The following DGKB variants were observed in gnomAD, a reference collection of about 807,000 sequenced individuals.
DGKB encodes the protein diacylglycerol kinase beta.
In DGKB, 67 loss-of-function variants were observed where a neutral mutation model predicts 114.3. The observed-to-expected ratio is 0.59, with a 90% CI of 0.48 to 0.72. DGKB has a LOEUF of 0.72. DGKB is among the 30% of genes least tolerant of loss of function. The pLI is 0.00. For missense variants in DGKB, 907 were observed against 975.2 expected (o/e 0.93, Z 0.93); for synonymous variants, 398 against 323.1 (o/e 1.23, Z -2.49).
intron 23 of DGKB, among the ~76,000 whole-genome samples, chr7:14,223,686 G>C (rs1272969868): frequency 6.6e-6 from 1 of 151,746 alleles, no homozygotes; most frequent in Non-Finnish European, 1.5e-5. Context: ...CAACGTGAGT[G>C]AGTTAGCAAC....
At chr7:14,379,631 C>T (rs1483051600) in intron 21 of DGKB, among the ~76,000 whole-genome samples, 2 of 152,118 alleles carry the variant, frequency 1.3e-5, no homozygotes, top group African/African-American at 4.8e-5. Context: ...ACGATCTCGG[C>T]TCACTGCAAC....
intron 21 of DGKB, among the ~76,000 whole-genome samples, chr7:14,429,480 T>C (rs1338811916): frequency 6.6e-6 from 1 of 152,168 alleles, no homozygotes; most frequent in African/African-American, 2.4e-5. Context: ...ACTCAACCTA[T>C]GGAAATTTAA....
intron 23 of DGKB, among the ~76,000 whole-genome samples, chr7:14,271,191 T>G (rs1198548790): frequency 6.6e-6 from 1 of 152,174 alleles, no homozygotes; most frequent in Non-Finnish European, 1.5e-5. Flanking sequence ...GTGGCCAAAT[T>G]TAAGTTCACT....
At chr7:14,626,583 C>G (rs963981792) in intron 14 of DGKB, among the ~76,000 whole-genome samples, 1 of 152,124 alleles carries the variant, frequency 6.6e-6, no homozygotes, top group African/African-American at 2.4e-5. Context: ...GTCTGAGACA[C>G]CAACTTACTA....
chr7:14,664,537 G>C (rs1403750705), intron 13 of DGKB, among the ~76,000 whole-genome samples: 1 of 151,894 alleles, frequency 6.6e-6, no homozygotes, highest in Non-Finnish European at 1.5e-5. Context: ...TCCCTCTCCA[G>C]CCTCACCCTT....
chr7:14,369,032 A>G (rs971838039), intron 21 of DGKB, among the ~76,000 whole-genome samples: 8 of 152,026 alleles, frequency 5.3e-5, no homozygotes, highest in African/African-American at 1.9e-4. Flanking sequence ...TCAACCCCCC[A>G]TCTACATTTG....
At chr7:14,544,720 T>C (rs929830070) in intron 20 of DGKB, among the ~76,000 whole-genome samples, 1 of 152,190 alleles carries the variant, frequency 6.6e-6, no homozygotes, top group African/African-American at 2.4e-5. Flanking sequence ...GTCTGGATAA[T>C]AGTAATGATA....
At chr7:14,723,283 T>C (rs1290898771) in intron 5 of DGKB, among the ~76,000 whole-genome samples, 2 of 152,120 alleles carry the variant, frequency 1.3e-5, no homozygotes, top group Non-Finnish European at 2.9e-5. Context: ...TAGCCTCTGG[T>C]GAGGAAGCTC....
At chr7:14,358,291 C>G (rs1044560641) in intron 21 of DGKB, among the ~76,000 whole-genome samples, 2 of 152,134 alleles carry the variant, frequency 1.3e-5, no homozygotes, top group Non-Finnish European at 2.9e-5. Flanking sequence ...TTGTTCATTT[C>G]TTTTTACTCC....
At chr7:14,766,719 T>C (rs1053972777) in intron 2 of DGKB, among the ~76,000 whole-genome samples, 4 of 151,778 alleles carry the variant, frequency 2.6e-5, no homozygotes, top group East Asian at 1.9e-4. Flanking sequence ...TGATTGTAGA[T>C]AGATAAGATA....
chr7:14,694,053 C>A, intron 9 of DGKB, 22 bp downstream of exon 9: 1 of 1,563,582 alleles, frequency 6.4e-7, no homozygotes, highest in African/African-American at 1.4e-5. Context: ...ACCAGGCCAC[C>A]CTCCTCTGTG....
chr7:14,876,909 C>T (rs1165281261), intron 1 of DGKB, among the ~76,000 whole-genome samples: 1 of 152,102 alleles, frequency 6.6e-6, no homozygotes, highest in African/African-American at 2.4e-5. Context: ...ATGTTGTTTA[C>T]TAAACAAGAT....
chr7:14,711,257 C>G lies in DGKB; in HGVS notation c.466+7285G>C, dbSNP rs549658186. Among the ~76,000 whole-genome samples the G allele has an allele frequency of 2.0e-5, 3 of 152,006 alleles. No homozygotes were observed. The East Asian group carries it at 5.8e-4, about 29-fold the overall frequency. ...GGAAGAAAGTTTGGAGAGTTTTAAG[C>G]TCTAGTTAATATAATAACAATAATA... On this transcript the variant is annotated intron_variant, in intron 6 of 25. Transcript: ENST00000402815.
At chr7:14,350,034 C>T (rs1813165188) in intron 21 of DGKB, among the ~76,000 whole-genome samples, 1 of 152,026 alleles carries the variant, frequency 6.6e-6, no homozygotes, top group Admixed American at 6.6e-5. Flanking sequence ...ACGTAGTAAA[C>T]CCTATGCCAA....
At chr7:14,446,869 A>G (rs1192116217) in intron 21 of DGKB, among the ~76,000 whole-genome samples, 1 of 152,096 alleles carries the variant, frequency 6.6e-6, no homozygotes, top group Non-Finnish European at 1.5e-5. Context: ...GTTTCAAGAG[A>G]GAGACGGTGC....
intron 1 of DGKB, among the ~76,000 whole-genome samples, chr7:14,935,768 C>A (rs982433095): frequency 6.6e-6 from 1 of 152,072 alleles, no homozygotes; most frequent in Non-Finnish European, 1.5e-5. Context: ...TTTTCTCACT[C>A]TGTCTTTCTC....
intron 2 of DGKB, among the ~76,000 whole-genome samples, chr7:14,776,362 T>C (rs1838183131): frequency 6.6e-6 from 1 of 151,812 alleles, no homozygotes; most frequent in African/African-American, 2.4e-5. Flanking sequence ...ACCAAGACAA[T>C]GGGGAAAATG....
intron 20 of DGKB, among the ~76,000 whole-genome samples, chr7:14,494,452 A>G (rs61487234): frequency 0.085 from 12,911 of 151,920 alleles, 949 homozygotes; most frequent in East Asian, 0.43. Context: ...CTACCCACCA[A>G]AAGAAATAAA....
intron 23 of DGKB, among the ~76,000 whole-genome samples, chr7:14,257,837 C>A (rs1263705596): frequency 6.6e-6 from 1 of 152,144 alleles, no homozygotes; most frequent in Non-Finnish European, 1.5e-5. Flanking sequence ...AGCAATTCTC[C>A]TGTCTCAGCC....
Sources: allele counts gnomAD v4.1 joint callset (sites outside exome capture counted in the v4.1 genomes callset), GRCh38; gene constraint gnomAD v4.1.1; transcripts MANE v1.5; gene names NCBI Gene and HGNC (gene_info 2026-07-23, HGNC 2026-07-21).